Variants in DISP1 observed in about 807,000 individuals in gnomAD.
DISP1 encodes dispatched RND transporter family member 1.
Under a neutral mutation model 37.3 loss-of-function variants are expected in DISP1, and 30 were observed. That is an observed-to-expected ratio of 0.80 (90% CI 0.60 to 1.09). The LOEUF (loss-of-function observed/expected upper bound fraction) is 1.09, where lower values mean the gene tolerates loss of function less well. Among genes scored for constraint, DISP1 ranks in the 50% least tolerant of loss-of-function variants. The pLI is 0.00. For synonymous variants in DISP1, 634 were observed against 690.2 expected (o/e 0.92, Z 1.28); for missense variants, 1,598 against 1,879.5 (o/e 0.85, Z 2.77).
intron 1 of DISP1, among the ~76,000 whole-genome samples, chr1:222,823,664 T>A (rs1663530434): frequency 6.6e-6 from 1 of 152,124 alleles, no homozygotes; most frequent in African/African-American, 2.4e-5. Flanking sequence ...CTTAAATTTA[T>A]GCAAATAAAT....
At chr1:222,841,116 T>G (rs187349950) in intron 1 of DISP1, among the ~76,000 whole-genome samples, 2 of 152,212 alleles carry the variant, frequency 1.3e-5, no homozygotes, top group Non-Finnish European at 2.9e-5. Flanking sequence ...AATTAATGAC[T>G]AAATCAGTGT....
At chr1:222,878,037 T>C (rs1030380248) in intron 1 of DISP1, among the ~76,000 whole-genome samples, 1 of 152,150 alleles carries the variant, frequency 6.6e-6, no homozygotes, top group African/African-American at 2.4e-5. Context: ...GTAGTCCCCA[T>C]TGGGTAATTT....
chr1:222,898,548 G>GTTT (rs5781289), intron 1 of DISP1, among the ~76,000 whole-genome samples: 12,056 of 146,768 alleles, frequency 0.082, 536 homozygotes, highest in Middle Eastern at 0.11. Flanking sequence ...ATGTACCACT[G>GTTT]TTTTTTTTTT....
chr1:222,928,959 T>C (rs1558334655), intron 2 of DISP1, among the ~76,000 whole-genome samples: 1 of 152,166 alleles, frequency 6.6e-6, no homozygotes, highest in African/African-American at 2.4e-5. Flanking sequence ...TACCAGGTGA[T>C]AGAAAAATAA....
intron 5 of DISP1, 141 bp from the exon 6 acceptor site, chr1:222,991,379 C>G: frequency 1.0e-6 from 1 of 970,968 alleles, no homozygotes; most frequent in Non-Finnish European, 1.6e-6. Flanking sequence ...AATGCAGTCA[C>G]CTCTGGAGTA....
intron 2 of DISP1, among the ~76,000 whole-genome samples, chr1:222,935,539 T>A (rs1464586692): frequency 1.3e-5 from 2 of 152,124 alleles, no homozygotes; most frequent in Non-Finnish European, 2.9e-5. Context: ...CCACCCCTGT[T>A]TTTCCAGAGG....
intron 3 of DISP1, among the ~76,000 whole-genome samples, chr1:222,968,393 G>A (rs1676664777): frequency 6.6e-6 from 1 of 152,084 alleles, no homozygotes; most frequent in Non-Finnish European, 1.5e-5. Context: ...TACCACTGTT[G>A]TAGTTCTAGA....
intron 1 of DISP1, among the ~76,000 whole-genome samples, chr1:222,928,124 C>G (rs116219709): frequency 0.017 from 2,657 of 152,270 alleles, 53 homozygotes; most frequent in South Asian, 0.039. Flanking sequence ...GCTAACATGG[C>G]TTTAATCTAC....
intron 1 of DISP1, among the ~76,000 whole-genome samples, chr1:222,896,824 G>A (rs988226028): frequency 1.3e-5 from 2 of 152,194 alleles, no homozygotes; most frequent in South Asian, 2.1e-4. Context: ...AGTCATCAGG[G>A]AAATTATTTA....
At chr1:222,920,772 A>G (rs1182985730) in intron 1 of DISP1, among the ~76,000 whole-genome samples, 1 of 152,062 alleles carries the variant, frequency 6.6e-6, no homozygotes, top group East Asian at 1.9e-4. Flanking sequence ...AATGATCTCT[A>G]TGGTTTTTGC....
chr1:222,832,575 T>C (rs1441754782), intron 1 of DISP1, among the ~76,000 whole-genome samples: 2 of 152,194 alleles, frequency 1.3e-5, no homozygotes, highest in Non-Finnish European at 2.9e-5. Flanking sequence ...TGGATATTGT[T>C]GAATTTAATT....
intron 3 of DISP1, among the ~76,000 whole-genome samples, chr1:222,956,439 T>C (rs2789933): frequency 0.29 from 44,327 of 152,078 alleles, 6,689 homozygotes; most frequent in South Asian, 0.4. Context: ...AATGAGGAAC[T>C]AGTAAGGTTA....
intron 1 of DISP1, among the ~76,000 whole-genome samples, chr1:222,868,298 G>A (rs567908708): frequency 3.3e-5 from 5 of 151,934 alleles, no homozygotes; most frequent in African/African-American, 4.8e-5. Flanking sequence ...GCAAGTTGCA[G>A]AGTAATATGT....
chr1:222,872,970 T>A (rs994613544), intron 1 of DISP1, among the ~76,000 whole-genome samples: 2 of 152,224 alleles, frequency 1.3e-5, no homozygotes, highest in Non-Finnish European at 2.9e-5. Context: ...TCTGGTATGT[T>A]GTGTCTTTGT....
At chr1:222,993,387 A>G (rs2102753731) in intron 7 of DISP1, among the ~76,000 whole-genome samples, 1 of 152,304 alleles carries the variant, frequency 6.6e-6, no homozygotes. Flanking sequence ...TAATTAAGTG[A>G]ATATTAACAT....
At chr1:222,819,890 A>C (rs1181167895) in intron 1 of DISP1, among the ~76,000 whole-genome samples, 1 of 149,958 alleles carries the variant, frequency 6.7e-6, no homozygotes, top group Non-Finnish European at 1.5e-5. Context: ...ATTTTTTTTT[A>C]ATTTTGTAAC....
intron 1 of DISP1, among the ~76,000 whole-genome samples, chr1:222,878,449 A>C (rs1670092546): frequency 6.6e-6 from 1 of 152,186 alleles, no homozygotes; most frequent in Non-Finnish European, 1.5e-5. Context: ...ACATACTGGA[A>C]TCTATTTAGA....
At chr1:222,919,454 C>G (rs1672692304) in intron 1 of DISP1, among the ~76,000 whole-genome samples, 1 of 152,182 alleles carries the variant, frequency 6.6e-6, no homozygotes, top group Non-Finnish European at 1.5e-5. Context: ...TCTGTCTACC[C>G]AGTAAATATG....
chr1:222,995,612 C>T (rs1679004014), intron 8 of DISP1, among the ~76,000 whole-genome samples: 1 of 152,198 alleles, frequency 6.6e-6, no homozygotes. Flanking sequence ...CAGCCAAAAA[C>T]ATGTCCGCAT....
Sources: allele counts gnomAD v4.1 joint callset (sites outside exome capture counted in the v4.1 genomes callset), GRCh38; gene constraint gnomAD v4.1.1; transcripts MANE v1.5; gene names NCBI Gene and HGNC (gene_info 2026-07-23, HGNC 2026-07-21).